Variants in DVL1 observed in about 807,000 individuals in gnomAD.
DVL1 encodes segment polarity protein dishevelled homolog DVL-1.
DVL1 carries 49 observed loss-of-function variants against 65.0 expected under a neutral mutation model. The ratio of observed to expected loss-of-function variants is 0.75; its 90% CI spans 0.60 to 0.96. The LOEUF (loss-of-function observed/expected upper bound fraction) is 0.96. DVL1 is among the 40% of genes least tolerant of loss of function. DVL1 has a pLI of 0.00. For missense variants in DVL1, 1,197 were observed against 1,045.4 expected (o/e 1.15, Z -2.00); for synonymous variants, 608 against 433.9 (o/e 1.40, Z -4.99).
At chr1:1,341,957 C>T in intron 4 of DVL1, 96 bp downstream of exon 4, 1 of 1,454,818 alleles carries the variant, frequency 6.9e-7, no homozygotes, top group Non-Finnish European at 9.3e-7. Context: ...AGCACCGCCA[C>T]TGGCTGGGGG....
Position 1,340,589 on chromosome 1 carries a change from G to A in DVL1, c.606-86C>T, listed in dbSNP as rs561916593. 1.2e-3 allele frequency: 1,724 copies of A among 1,418,398 alleles called. 1 individual carries two copies. Among genetic ancestry groups the A allele is most frequent in the Non-Finnish European group, 1.6e-3 (1,637 of 1,031,188 alleles). The allele number at this position is 1,418,398 out of a possible 1,614,324, so 87.9% of individuals were successfully genotyped here. ...GCTCCCCCAATACTGAGTGGGAATC[G>A]GGGGTCTAGGCCAGGCTTGTTCCAA... On this transcript the variant is annotated intron_variant, in intron 5 of 14. Transcript: ENST00000378888.
chr1:1,345,902 AC>A (rs949125824), intron 1 of DVL1, among the ~76,000 whole-genome samples: 1 of 151,386 alleles, frequency 6.6e-6, no homozygotes, highest in Non-Finnish European at 1.5e-5. Context: ...CCAACCCCTG[AC>A]CCCAGAGCCA....
Position 1,339,418 on chromosome 1 carries a change from T to A in DVL1, c.1076A>T (p.Asp359Val), listed in dbSNP as rs1643706782. 3 of 1,547,668 alleles carry A rather than the reference T, an allele frequency of 1.9e-6. No individual in the cohort carries two copies. The African/African-American group carries it at 4.1e-5, about 21-fold the overall frequency. The change falls in exon 11 of 15, where the codon GAC becomes GTC. Residue 359 changes from aspartate (D) to valine (V), a missense_variant. Coordinates refer to ENST00000378888, the MANE Select transcript of DVL1 (RefSeq NM_001330311.2). ...VPRADPVRPI[D>V]PAAWLSHTAA... The stretch of plus-strand genomic sequence containing the variant: ...CGTGTGGGACAGCCAGGCGGCGGGG[T>A]CGATGGGCCGCACCGGGTCAGCTGG...
intron 4 of DVL1, 102 bp downstream of exon 4, chr1:1,341,951 C>T: frequency 6.9e-7 from 1 of 1,451,992 alleles, no homozygotes; most frequent in Admixed American, 2.1e-5. Context: ...CACCCAAGCA[C>T]CGCCACTGGC....
At chr1:1,345,521 G>A (rs997009562) in intron 1 of DVL1, among the ~76,000 whole-genome samples, 5 of 152,190 alleles carry the variant, frequency 3.3e-5, no homozygotes, top group African/African-American at 4.8e-5. Context: ...AGCAGCCTCC[G>A]CTGAAACTCA....
Position 1,341,673 on chromosome 1 carries a change from G to A in DVL1, c.599C>T (p.Thr200Met), listed in dbSNP as rs1254209708. Residue 200 changes from threonine (T) to methionine (M), a missense_variant, in exon 5 of 15, where the codon ACG becomes ATG. Transcript: ENST00000378888. ...SFVDSDEDGS[T>M]SRLSSSTEQS... ...CACAGACACTCCCACACACCTGCTC[G>A]TGCTGCCATCCTCGTCCGAGTCCAC... 4.4e-6 allele frequency: 7 copies of A among 1,603,648 alleles called. No individual in the cohort carries two copies. The highest frequency in any genetic ancestry group is 1.7e-4 in the Middle Eastern group (1 of 6,036).
rs1164069854 is a variant in DVL1, at chr1:1,336,345, T to C, written c.1885A>G (p.Ser629Gly). The C allele has an allele frequency of 1.8e-5, 28 of 1,593,368 alleles. No homozygotes were observed. The highest frequency in any genetic ancestry group is 2.4e-5 in the Non-Finnish European group (28 of 1,176,606). ...RPAGQLSRGS[S>G]PRSQASATAP... is the part of the protein sequence containing the mutation. ...GTAGCCGAGGCCTGACTGCGTGGGC[T>C]GCTGCCACGGCTGAGCTGGCCGGCC... The change falls in exon 15 of 15, where the codon AGC (serine) becomes GGC (glycine). Residue 629 changes from serine to glycine, a missense_variant. Physicochemically the swap from Ser to Gly is moderately conservative, Grantham distance 56 (BLOSUM62 0). Transcript: ENST00000378888.
rs1338945101 is a variant in DVL1, at chr1:1,339,761, G to A, written c.961C>T (p.Leu321=). 3.1e-6 allele frequency: 5 copies of A among 1,612,908 alleles called. No individual in the cohort carries two copies. The highest frequency in any genetic ancestry group is 4.2e-6 in the Non-Finnish European group (5 of 1,179,924). The change falls in exon 9 of 15, where the codon CTG becomes TTG. Residue 321 remains leucine, a synonymous_variant. Transcript: ENST00000378888. ...NMSNDDAVRV[L]REIVSQTGPI... is the part of the protein sequence containing the mutation. ...CCCGTCTGGGAAACGATCTCCCGCA[G>A]CACCCGCACGGCATCGTCATTGCTC...
In DVL1 at chr1:1,349,148, G is replaced by A; in HGVS notation, c.-83C>T. 3.7e-6 allele frequency: 3 copies of A among 811,126 alleles called. No individual in the cohort carries two copies. The highest frequency in any genetic ancestry group is 4.4e-6 in the Non-Finnish European group (3 of 674,274). The allele number at this position is 811,126 out of a possible 1,614,324, so 50.2% of individuals were successfully genotyped here. ...GGGCGCTACCCGCCCGCCCGCCTGC[G>A]CCCCGCCCGGCCCGCACCGCTCTCG... On this transcript the variant is annotated 5_prime_UTR_variant, in exon 1 of 15. Transcript: ENST00000378888. The surrounding 1 kb of genome is among the most constrained non-coding windows in gnomAD (Gnocchi z 4.1).
Position 1,336,057 on chromosome 1 carries a change from C to T in DVL1, c.*85G>A. ...CCCACCCTGCCTCCCGTCCTGGCCC[C>T]CACGAAGGCAAGCCCACGCGAGCTC... On this transcript the variant is annotated 3_prime_UTR_variant, in exon 15 of 15. Coordinates refer to ENST00000378888, the MANE Select transcript of DVL1 (RefSeq NM_001330311.2). 1 of 1,506,522 alleles carries T rather than the reference C, an allele frequency of 6.6e-7. No homozygotes were observed. The highest frequency in any genetic ancestry group is 1.4e-5 in the African/African-American group (1 of 72,600). 93.3% of individuals were successfully genotyped at this position (1,506,522 alleles called of 1,614,324 possible).
In DVL1 at chr1:1,336,472, C is replaced by T. The variant is rs61757368; in HGVS notation, c.1758G>A (p.Pro586=). ...SGSTRSSRRA[P]GREKERRAAG... The stretch of plus-strand genomic sequence containing the variant: ...CCGCCCGACGCTCCTTCTCACGGCC[C>T]GGGGCCCGGCGGCTGCTCCGGGTGG... The change falls in exon 15 of 15, where the codon CCG becomes CCA. Residue 586 remains proline (P), a synonymous_variant. Transcript: ENST00000378888. 96 of 1,551,318 alleles carry T rather than the reference C, an allele frequency of 6.2e-5. No individual in the cohort carries two copies. The highest frequency in any genetic ancestry group is 7.6e-5 in the Admixed American group (4 of 52,388).
At chr1:1,336,817 C>G (rs1296481404) in intron 14 of DVL1, among the ~76,000 whole-genome samples, 1 of 152,172 alleles carries the variant, frequency 6.6e-6, no homozygotes, top group Non-Finnish European at 1.5e-5. Context: ...GACTGAGGTG[C>G]CAGCGAGGGC....
chr1:1,340,982 A>G (rs1372187921), intron 5 of DVL1, among the ~76,000 whole-genome samples: 2 of 132,176 alleles, frequency 1.5e-5, no homozygotes, highest in Admixed American at 7.8e-5. Flanking sequence ...ACAGGCACAC[A>G]TGCACACCTG....
intron 1 of DVL1, among the ~76,000 whole-genome samples, chr1:1,345,163 G>A (rs979070944): frequency 3.3e-5 from 5 of 151,978 alleles, no homozygotes; most frequent in Admixed American, 2.0e-4. Flanking sequence ...AGGGCCTCAC[G>A]AAGACCCCAG....
rs1140334 is a variant in DVL1 at position 1,340,296 on chromosome 1, T to C, written c.720A>G (p.Ile240Met). ...TGTTGAGGGACATGGTGGAGTCGGT[T>C]ATGCTGCTGAAGGAGGAGGCCTATG... Reference protein sequence around the residue: ...QADRASSFSSITDSTMSLNIV... With the variant: ...QADRASSFSSMTDSTMSLNIV... Residue 240 changes from isoleucine (I) to methionine (M), a missense_variant, in exon 7 of 15, where the codon ATA becomes ATG. By Grantham distance (10) the Ile-to-Met change is conservative. Coordinates refer to ENST00000378888, the MANE Select transcript of DVL1 (RefSeq NM_001330311.2). The C allele has an allele frequency of 1.9e-6, 3 of 1,613,932 alleles. No individual in the cohort carries two copies. The South Asian group carries it at 3.3e-5, about 18-fold the overall frequency.
At chr1:1,341,907 C>T (rs555195327) in intron 4 of DVL1, 102 bp from the exon 5 acceptor site, 4 of 1,475,126 alleles carry the variant, frequency 2.7e-6, no homozygotes, top group East Asian at 2.5e-5. Context: ...TGGGAGCTGG[C>T]AGCTCAACTG....
chr1:1,341,309 C>T (rs1357065095), intron 5 of DVL1, among the ~76,000 whole-genome samples: 2 of 152,008 alleles, frequency 1.3e-5, no homozygotes, highest in Admixed American at 6.6e-5. Context: ...CATACATGCA[C>T]ACACAGACAT....
rs1256259493 is a variant in DVL1, at chr1:1,349,108, C to A, written c.-43G>T. 2.5e-6 allele frequency: 3 copies of A among 1,195,930 alleles called. No homozygotes were observed. Among genetic ancestry groups the A allele is most frequent in the South Asian group, 4.1e-5 (2 of 49,352 alleles). The allele number at this position is 1,195,930 out of a possible 1,614,324, so 74.1% of individuals were successfully genotyped here. A position where few individuals can be genotyped will look rare whatever the true frequency, so the allele number is the denominator to read the frequency against. On this transcript the variant is annotated 5_prime_UTR_variant, in exon 1 of 15. Coordinates refer to ENST00000378888, the MANE Select transcript of DVL1 (RefSeq NM_001330311.2). The surrounding 1 kb of genome is among the most constrained non-coding windows in gnomAD (Gnocchi z 4.1). ...GAGCCCGCGCGCTCAGGGCCCGGCC[C>A]GGGGCTCGGACGCGGGGCGCTACCC...
intron 14 of DVL1, chr1:1,336,995 C>T: frequency 1.0e-6 from 1 of 991,610 alleles, no homozygotes; most frequent in South Asian, 4.6e-5. Flanking sequence ...TGCTGAGGGA[C>T]CCCGGGCGGG....
Sources: allele counts gnomAD v4.1 joint callset (sites outside exome capture counted in the v4.1 genomes callset), GRCh38; gene constraint gnomAD v4.1.1; non-coding constraint Gnocchi (gnomAD v3.1); transcripts MANE v1.5; gene names NCBI Gene and HGNC (gene_info 2026-07-23, HGNC 2026-07-21).